Variants in DPP10 observed in about 807,000 individuals in gnomAD.
DPP10 encodes the protein dipeptidyl peptidase like 10, also known as inactive dipeptidyl peptidase 10.
DPP10 carries 33 observed loss-of-function variants against 120.9 expected under a neutral mutation model. The observed-to-expected ratio is 0.27, with a 90% CI of 0.21 to 0.37. The LOEUF is 0.37. Ranked by LOEUF, DPP10 falls within the 10% of genes least tolerant of loss-of-function variation. The pLI is 1.00. For synonymous variants in DPP10, 337 were observed against 326.1 expected, an observed-to-expected ratio of 1.03 and a Z score of -0.36; for missense variants, 816 against 942.8, an observed-to-expected ratio of 0.87 and a Z score of 1.76.
At chr2:114,830,833 T>C (rs977062895) in intron 1 of DPP10, among the ~76,000 whole-genome samples, 30 of 152,162 alleles carry the variant, frequency 2.0e-4, no homozygotes, top group African/African-American at 7.0e-4. Context: ...TTGATTTGAG[T>C]ATTAGGTCTT....
chr2:114,877,872 T>G (rs893054597), intron 1 of DPP10, among the ~76,000 whole-genome samples: 1 of 152,112 alleles, frequency 6.6e-6, no homozygotes, highest in East Asian at 1.9e-4. Context: ...ACCCACTAGA[T>G]GCTAGCAGCA....
At chr2:114,679,418 G>C (rs1481724391) in intron 1 of DPP10, among the ~76,000 whole-genome samples, 1 of 151,916 alleles carries the variant, frequency 6.6e-6, no homozygotes, top group African/African-American at 2.4e-5. Flanking sequence ...GGCCCCTCTT[G>C]TTTATATTAG....
intron 1 of DPP10, among the ~76,000 whole-genome samples, chr2:114,623,911 A>G (rs573270554): frequency 3.9e-5 from 6 of 152,192 alleles, no homozygotes; most frequent in Non-Finnish European, 8.8e-5. Context: ...TATTTAAAAT[A>G]CAAATAAAAT....
At chr2:115,342,111 A>AT (rs1187164395) in intron 2 of DPP10, 3 of 452,424 alleles carry the variant, frequency 6.6e-6, no homozygotes, top group Non-Finnish European at 8.9e-6. Flanking sequence ...GCCTTCTCTG[A>AT]TTTTTTCTGT....
chr2:115,766,310 G>GTGTGTGTGTGTGTGTGTGTATA (rs1371625141), intron 12 of DPP10, among the ~76,000 whole-genome samples: 1 of 81,736 alleles, frequency 1.2e-5, no homozygotes, highest in African/African-American at 4.3e-5. Flanking sequence ...GTGTGTGTGT[G>GTGTGTGTGTGTGTGTGTGTATA]TATATATATA....
chr2:115,523,621 A>T (rs1015459004), intron 4 of DPP10, among the ~76,000 whole-genome samples: 1 of 152,040 alleles, frequency 6.6e-6, no homozygotes, highest in Non-Finnish European at 1.5e-5. Flanking sequence ...GTCCCCTTGA[A>T]CATTTCCTTA....
At position 115,118,100 on chromosome 2, in the gene DPP10, AAG is replaced by A. The variant is rs1559115551; in HGVS notation, c.61-191138_61-191137del. 3.3e-5 allele frequency among the ~76,000 whole-genome samples: 5 copies of A among 151,828 alleles called. No homozygotes were observed. In the East Asian group the frequency reaches 7.8e-4, roughly 24 times the overall value. The stretch of plus-strand genomic sequence containing the variant: ...TGGGTTCCAATCTAGATAAATGGCA[AAG>A]CTATTCTCCTGTTTACTCAAGACCC... On this transcript the variant is annotated intron_variant, in intron 1 of 25. Coordinates refer to ENST00000410059, the MANE Select transcript of DPP10 (RefSeq NM_020868.6).
chr2:115,452,444 C>T (rs536753308), intron 3 of DPP10, among the ~76,000 whole-genome samples: 4 of 152,004 alleles, frequency 2.6e-5, no homozygotes, highest in Non-Finnish European at 5.9e-5. Context: ...GCTGATTGAA[C>T]CTCGTTCACT....
At chr2:114,743,230 A>G (rs1225223670) in intron 1 of DPP10, among the ~76,000 whole-genome samples, 1 of 152,162 alleles carries the variant, frequency 6.6e-6, no homozygotes, top group Non-Finnish European at 1.5e-5. Context: ...GGCTTTCAAC[A>G]TTTATAATTA....
intron 1 of DPP10, among the ~76,000 whole-genome samples, chr2:115,046,679 A>G (rs1024928114): frequency 6.6e-6 from 1 of 152,164 alleles, no homozygotes; most frequent in Non-Finnish European, 1.5e-5. Context: ...CGATGAAACC[A>G]AAACATTCAA....
chr2:114,860,752 C>G (rs927332590), intron 1 of DPP10, among the ~76,000 whole-genome samples: 5 of 152,128 alleles, frequency 3.3e-5, no homozygotes, highest in African/African-American at 1.2e-4. Flanking sequence ...CAGCTCACAT[C>G]TTTATTTTTC....
chr2:114,691,160 C>T (rs1699718980), intron 1 of DPP10, among the ~76,000 whole-genome samples: 1 of 152,062 alleles, frequency 6.6e-6, no homozygotes, highest in South Asian at 2.1e-4. Context: ...CAGGAGAATG[C>T]TTTCAGCTTT....
At chr2:114,980,634 GAAA>G (rs145634895) in intron 1 of DPP10, among the ~76,000 whole-genome samples, 2 of 122,778 alleles carry the variant, frequency 1.6e-5, no homozygotes. Flanking sequence ...AGAATCTACT[GAAA>G]AAAAAAAAAA....
chr2:115,645,615 A>T (rs1199067013), intron 5 of DPP10, among the ~76,000 whole-genome samples: 1 of 152,200 alleles, frequency 6.6e-6, no homozygotes, highest in African/African-American at 2.4e-5. Flanking sequence ...CCATCATGTT[A>T]TATCCCCTTC....
intron 5 of DPP10, among the ~76,000 whole-genome samples, chr2:115,659,200 C>T (rs564894760): frequency 2.0e-5 from 3 of 152,230 alleles, no homozygotes; most frequent in African/African-American, 7.2e-5. Flanking sequence ...GATGCTGGCA[C>T]CATGCTCTCA....
chr2:115,710,037 A>G (rs1197794094), intron 7 of DPP10, among the ~76,000 whole-genome samples: 1 of 152,152 alleles, frequency 6.6e-6, no homozygotes, highest in Non-Finnish European at 1.5e-5. Context: ...GTGAACAGAG[A>G]CACAACACAA....
chr2:114,918,837 A>T (rs1694991701), intron 1 of DPP10, among the ~76,000 whole-genome samples: 1 of 152,038 alleles, frequency 6.6e-6, no homozygotes, highest in South Asian at 2.1e-4. Flanking sequence ...AAAACTACCT[A>T]TCAAGTAGTA....
At chr2:115,395,154 A>C (rs1408024373) in intron 3 of DPP10, among the ~76,000 whole-genome samples, 1 of 152,158 alleles carries the variant, frequency 6.6e-6, no homozygotes, top group Non-Finnish European at 1.5e-5. Context: ...CCGGAAGTTT[A>C]TGATCAGGGT....
At chr2:115,041,117 C>CAAA (rs10577275) in intron 1 of DPP10, among the ~76,000 whole-genome samples, 16 of 127,944 alleles carry the variant, frequency 1.3e-4, no homozygotes, top group African/African-American at 8.6e-5. Context: ...TAGCTCAAAA[C>CAAA]AAAAAAAAAA....
Sources: gnomAD v4.1 joint callset for allele counts (sites outside exome capture counted in the v4.1 genomes callset) on GRCh38, gnomAD v4.1.1 for gene constraint, MANE v1.5 for transcripts, NCBI Gene and HGNC (gene_info 2026-07-23, HGNC 2026-07-21) for gene names.